PDE4D: variants seen among roughly 807,000 people sequenced by gnomAD.
PDE4D encodes phosphodiesterase 4D, also known as 3',5'-cyclic-AMP phosphodiesterase 4D.
PDE4D carries 24 observed loss-of-function variants against 87.4 expected under a neutral mutation model. The observed-to-expected ratio is 0.27, with a 90% CI of 0.20 to 0.39. The LOEUF (loss-of-function observed/expected upper bound fraction) is 0.39. Ranked by LOEUF, PDE4D falls within the 10% of genes least tolerant of loss-of-function variation. The probability of loss-of-function intolerance (pLI) is 1.00; values close to 1 mark genes in which losing one functional copy is unlikely to be tolerated. For missense variants in PDE4D, 714 were observed against 1,041.0 expected (o/e 0.69, Z 4.32); for synonymous variants, 384 against 383.2 (o/e 1.00, Z -0.02).
At chr5:59,895,415 T>C (rs1009238039), upstream of PDE4D, among the ~76,000 whole-genome samples, 6 of 152,184 alleles carry the variant, frequency 3.9e-5, no homozygotes, top group Admixed American at 1.3e-4. Context: ...CTGAGAAAGG[T>C]TGTGTCTTAA....
At chr5:60,473,312 AAG>A (rs1248774515) in intron 1 of PDE4D, among the ~76,000 whole-genome samples, 8 of 151,882 alleles carry the variant, frequency 5.3e-5, no homozygotes. Context: ...GAAAGGGAGA[AAG>A]AGACCTCCTA....
At chr5:59,753,133 G>T (rs1760727258) in intron 1 of PDE4D, among the ~76,000 whole-genome samples, 1 of 152,146 alleles carries the variant, frequency 6.6e-6, no homozygotes, top group Non-Finnish European at 1.5e-5. Context: ...ATAGATAGTG[G>T]ACAATCAAAG....
At chr5:59,815,606 C>A (rs902355803) in intron 1 of PDE4D, among the ~76,000 whole-genome samples, 2 of 152,190 alleles carry the variant, frequency 1.3e-5, no homozygotes, top group African/African-American at 4.8e-5. Context: ...ACAAATCCAG[C>A]TGAGACTAGT....
intron 1 of PDE4D, among the ~76,000 whole-genome samples, chr5:59,452,347 T>G (rs963669412): frequency 6.6e-6 from 1 of 152,228 alleles, no homozygotes; most frequent in African/African-American, 2.4e-5. Context: ...AAACACTCTA[T>G]GCATTTTAAA....
chr5:59,945,245 CA>C (rs1757613155), intron 3 of PDE4D, among the ~76,000 whole-genome samples: 1 of 152,208 alleles, frequency 6.6e-6, no homozygotes, highest in African/African-American at 2.4e-5. Flanking sequence ...ACTCTTCTAC[CA>C]CTTTGAGAGG....
intron 3 of PDE4D, among the ~76,000 whole-genome samples, chr5:59,906,818 T>C (rs1752876069): frequency 6.6e-6 from 1 of 152,130 alleles, no homozygotes; most frequent in Admixed American, 6.6e-5. Flanking sequence ...GGAAGCAGTG[T>C]GATGGTTTCT....
chr5:59,726,295 G>A (rs1018046494), intron 1 of PDE4D, among the ~76,000 whole-genome samples: 1 of 151,992 alleles, frequency 6.6e-6, no homozygotes, highest in African/African-American at 2.4e-5. Flanking sequence ...AAATTATATG[G>A]TCATAAGCCT....
At position 59,368,434 on chromosome 5, in the gene PDE4D, G is replaced by C. The variant is rs527433324; in HGVS notation, c.456-152466C>G. Among the ~76,000 whole-genome samples, 6 of 152,294 alleles carry C rather than the reference G, an allele frequency of 3.9e-5. No homozygotes were observed. In the East Asian group the frequency reaches 1.2e-3, roughly 29 times the overall value. ...ATGCTTATGAGTGCCATTTGAAAAT[G>C]CATTAGGCACCTGAAATTTCATATG... On this transcript the variant is annotated intron_variant, in intron 1 of 14. Coordinates refer to ENST00000340635, the MANE Select transcript of PDE4D (RefSeq NM_001104631.2).
At chr5:59,991,164 G>T (rs1297031778) in intron 2 of PDE4D, among the ~76,000 whole-genome samples, 1 of 152,110 alleles carries the variant, frequency 6.6e-6, no homozygotes, top group Non-Finnish European at 1.5e-5. Context: ...TAAATGAGAG[G>T]ATAGAAATTT....
intron 3 of PDE4D, among the ~76,000 whole-genome samples, chr5:59,902,335 G>C (rs1255914502): frequency 6.6e-6 from 1 of 152,178 alleles, no homozygotes; most frequent in Non-Finnish European, 1.5e-5. Context: ...TTTTGGTTCA[G>C]TAGGTCTGGG....
chr5:60,408,031 C>G (rs1741714769), intron 1 of PDE4D, among the ~76,000 whole-genome samples: 2 of 152,232 alleles, frequency 1.3e-5, no homozygotes, highest in Admixed American at 6.5e-5. Context: ...CACCCAGTGT[C>G]TGACAACATG....
chr5:59,283,517 A>C (rs1236442881), intron 1 of PDE4D, among the ~76,000 whole-genome samples: 1 of 152,186 alleles, frequency 6.6e-6, no homozygotes, highest in Non-Finnish European at 1.5e-5. Context: ...GTTAAATAAA[A>C]ACTTCTACCA....
chr5:59,962,025 C>T (rs1047448959), intron 3 of PDE4D, among the ~76,000 whole-genome samples: 11 of 152,024 alleles, frequency 7.2e-5, no homozygotes, highest in South Asian at 2.1e-4. Context: ...TTTCAATATA[C>T]GTGAAGGATG....
intron 3 of PDE4D, among the ~76,000 whole-genome samples, chr5:59,939,164 T>A (rs1015844872): frequency 2.6e-5 from 4 of 152,178 alleles, no homozygotes; most frequent in African/African-American, 9.7e-5. Context: ...AGCACAAGAA[T>A]GCAGTGTGCA....
chr5:59,890,095 T>TA (rs1750733688), intron 1 of PDE4D, among the ~76,000 whole-genome samples: 1 of 152,208 alleles, frequency 6.6e-6, no homozygotes, highest in Non-Finnish European at 1.5e-5. Context: ...CTGGAAATGC[T>TA]ACAGTGCATG....
chr5:60,256,589 A>T (rs145346914), intron 1 of PDE4D, among the ~76,000 whole-genome samples: 2,535 of 152,040 alleles, frequency 0.017, 29 homozygotes, highest in Middle Eastern at 0.034. Flanking sequence ...GCATAAAAAA[A>T]ATTTCTAGTC....
intron 5 of PDE4D, among the ~76,000 whole-genome samples, chr5:59,049,929 A>G (rs528567378): frequency 9.2e-5 from 14 of 152,316 alleles, no homozygotes; most frequent in African/African-American, 2.6e-4. Flanking sequence ...GTTAAGAAGT[A>G]ATGCCAAAGA....
intron 2 of PDE4D, among the ~76,000 whole-genome samples, chr5:60,048,653 G>T (rs1163322880): frequency 1.3e-5 from 2 of 151,790 alleles, no homozygotes; most frequent in African/African-American, 4.8e-5. Flanking sequence ...ATGAAATTCT[G>T]GGTTGAAAAT....
At chr5:59,219,120 AC>A (rs1310876682) in intron 1 of PDE4D, among the ~76,000 whole-genome samples, 1 of 150,944 alleles carries the variant, frequency 6.6e-6, no homozygotes, top group Non-Finnish European at 1.5e-5. Context: ...GGTGCAGTGC[AC>A]CAGCATGGCA....
Sources: allele counts gnomAD v4.1 joint callset (sites outside exome capture counted in the v4.1 genomes callset), GRCh38; gene constraint gnomAD v4.1.1; transcripts MANE v1.5; gene names NCBI Gene and HGNC (gene_info 2026-07-23, HGNC 2026-07-21).